The following EHMT1 variants were observed in gnomAD, a reference collection of about 807,000 sequenced individuals.
EHMT1 encodes euchromatic histone lysine methyltransferase 1, also known as histone-lysine N-methyltransferase EHMT1.
In EHMT1, 15 loss-of-function variants were observed where a neutral mutation model predicts 147.2. The ratio of observed to expected loss-of-function variants is 0.10; its 90% confidence interval spans 0.07 to 0.16. The LOEUF is 0.16. Ranked by LOEUF, EHMT1 falls within the 10% of genes least tolerant of loss-of-function variation. The pLI is 1.00. For missense variants in EHMT1, 1,587 were observed against 1,772.4 expected, an observed-to-expected ratio of 0.90 and a Z score of 1.88; for synonymous variants, 795 against 709.6, an observed-to-expected ratio of 1.12 and a Z score of -1.91.
intron 19 of EHMT1, among the ~76,000 whole-genome samples, chr9:137,812,506 C>T (rs929935458): frequency 3.3e-5 from 5 of 152,224 alleles, no homozygotes; most frequent in Non-Finnish European, 1.5e-5. Context: ...CTGGCCCCTA[C>T]ACATGGGGCT....
intron 4 of EHMT1, among the ~76,000 whole-genome samples, chr9:137,739,367 A>G (rs1185711214): frequency 3.3e-5 from 5 of 152,152 alleles, no homozygotes; most frequent in Admixed American, 6.5e-5. Context: ...AAAAAAAAAA[A>G]AAAAGAAAGA....
intron 1 of EHMT1, among the ~76,000 whole-genome samples, chr9:137,675,753 A>C (rs1304779713): frequency 7.0e-6 from 1 of 143,728 alleles, no homozygotes; most frequent in Non-Finnish European, 1.5e-5. Context: ...CTAGGATTAC[A>C]GGCGTGCACC....
chr9:137,757,752 T>C (rs1003742870), intron 8 of EHMT1, 128 bp from the exon 9 acceptor site: 13 of 1,377,652 alleles, frequency 9.4e-6, no homozygotes, highest in Middle Eastern at 2.5e-4. Flanking sequence ...GGGTTTCAAC[T>C]TGTGGTTTTG....
intron 1 of EHMT1, among the ~76,000 whole-genome samples, chr9:137,669,761 C>T (rs1430416726): frequency 3.9e-5 from 6 of 152,056 alleles, no homozygotes; most frequent in East Asian, 3.9e-4. Context: ...TTATGTTGTC[C>T]AGGCTGTTCT....
intron 10 of EHMT1, among the ~76,000 whole-genome samples, chr9:137,765,069 C>T (rs929545402): frequency 5.9e-5 from 9 of 152,366 alleles, no homozygotes; most frequent in South Asian, 2.1e-4. Flanking sequence ...GTTTCTGCGG[C>T]GGCCGCCTGT....
At chr9:137,792,610 C>T (rs769788126) in intron 16 of EHMT1, among the ~76,000 whole-genome samples, 1 of 152,172 alleles carries the variant, frequency 6.6e-6, no homozygotes, top group African/African-American at 2.4e-5. Context: ...GAGGCTGAGG[C>T]AGGAGAATCG....
intron 1 of EHMT1, among the ~76,000 whole-genome samples, chr9:137,692,247 T>C (rs1942997600): frequency 6.7e-6 from 1 of 148,200 alleles, no homozygotes; most frequent in South Asian, 2.1e-4. Context: ...CTTTTTTTTC[T>C]TTTCTTTCTT....
At chr9:137,737,876 C>T (rs1440119493) in intron 4 of EHMT1, among the ~76,000 whole-genome samples, 2 of 152,122 alleles carry the variant, frequency 1.3e-5, no homozygotes, top group Non-Finnish European at 2.9e-5. Flanking sequence ...CACAACTCAA[C>T]AATAAAAACA....
intron 1 of EHMT1, among the ~76,000 whole-genome samples, chr9:137,648,004 CA>C (rs945709701): frequency 1.3e-5 from 2 of 152,192 alleles, no homozygotes; most frequent in African/African-American, 4.8e-5. Flanking sequence ...CTTCCTTCCC[CA>C]TTTGTTTGTT....
intron 10 of EHMT1, among the ~76,000 whole-genome samples, chr9:137,774,729 C>T (rs1268363281): frequency 1.7e-5 from 2 of 119,692 alleles, no homozygotes; most frequent in Non-Finnish European, 1.7e-5. Context: ...TGGGTATGGT[C>T]GCGCCTGGCC....
intron 1 of EHMT1, among the ~76,000 whole-genome samples, chr9:137,634,121 A>G (rs1271200972): frequency 2.6e-5 from 4 of 151,726 alleles, no homozygotes; most frequent in African/African-American, 9.7e-5. Context: ...CCTAATTTTT[A>G]TTTTCTTGAT....
intron 4 of EHMT1, among the ~76,000 whole-genome samples, chr9:137,737,792 G>A (rs983561911): frequency 6.6e-6 from 1 of 152,194 alleles, no homozygotes; most frequent in African/African-American, 2.4e-5. Context: ...AAAGGCACCT[G>A]TGGAGTAGGA....
intron 6 of EHMT1, among the ~76,000 whole-genome samples, chr9:137,745,125 C>T (rs951943435): frequency 6.6e-6 from 1 of 152,174 alleles, no homozygotes; most frequent in Non-Finnish European, 1.5e-5. Context: ...GAATAGCAGT[C>T]CAGGTGAGTT....
At chr9:137,631,271 A>C (rs1843611710) in intron 1 of EHMT1, among the ~76,000 whole-genome samples, 1 of 152,050 alleles carries the variant, frequency 6.6e-6, no homozygotes, top group African/African-American at 2.4e-5. Context: ...GGGCGCCTGT[A>C]ATCCCAGCTA....
chr9:137,749,634 T>C lies in EHMT1; in HGVS notation c.1171-2697T>C, dbSNP rs532774917. Reference sequence around the variant, plus strand: ...TTCTGATGTCAGTGGTTACCCCTTCTCTTTCTAATCTCCTTGGGTTTTCAG... The same window carrying C: ...TTCTGATGTCAGTGGTTACCCCTTCCCTTTCTAATCTCCTTGGGTTTTCAG... On this transcript the variant is annotated intron_variant, in intron 6 of 26. Transcript: ENST00000460843. 4.6e-5 allele frequency among the ~76,000 whole-genome samples: 7 copies of C among 152,294 alleles called. No individual in the cohort carries two copies. The South Asian group carries it at 1.5e-3, about 32-fold the overall frequency.
chr9:137,708,231 A>C (rs1355514480), intron 1 of EHMT1, among the ~76,000 whole-genome samples: 2 of 152,240 alleles, frequency 1.3e-5, no homozygotes, highest in East Asian at 1.9e-4. Context: ...CTGGATTTGC[A>C]GATTGGCTTC....
At chr9:137,715,097 A>G (rs1272894834) in intron 2 of EHMT1, among the ~76,000 whole-genome samples, 1 of 151,848 alleles carries the variant, frequency 6.6e-6, no homozygotes. Flanking sequence ...GTCTGGTTGT[A>G]CTCTTGTGTT....
intron 10 of EHMT1, chr9:137,764,384 T>C (rs1391118212): frequency 6.6e-6 from 1 of 152,244 alleles, no homozygotes; most frequent in Non-Finnish European, 1.5e-5. Flanking sequence ...TCTGCCACAC[T>C]CGGCCCCTCT....
chr9:137,700,297 C>T (rs1227218318), intron 1 of EHMT1, among the ~76,000 whole-genome samples: 2 of 152,182 alleles, frequency 1.3e-5, no homozygotes, highest in African/African-American at 4.8e-5. Flanking sequence ...GTGTACTTGG[C>T]CTCCACGTGC....
Sources: allele counts gnomAD v4.1 joint callset (sites outside exome capture counted in the v4.1 genomes callset), GRCh38; gene constraint gnomAD v4.1.1; transcripts MANE v1.5; gene names NCBI Gene and HGNC (gene_info 2026-07-23, HGNC 2026-07-21).